UST: variants seen among roughly 807,000 people sequenced by gnomAD.
UST encodes the protein uronyl 2-sulfotransferase.
In UST, 21 loss-of-function variants were observed where a neutral mutation model predicts 45.6. That is an observed-to-expected ratio of 0.46 (90% CI 0.33 to 0.66). The LOEUF is 0.66. UST is among the 30% of genes least tolerant of loss of function. The pLI is 0.02. For missense variants in UST, 463 were observed against 512.4 expected, an observed-to-expected ratio of 0.90 and a Z score of 0.93; for synonymous variants, 215 against 200.6, an observed-to-expected ratio of 1.07 and a Z score of -0.61.
chr6:148,946,117 A>G (rs1051171820), intron 3 of UST, among the ~76,000 whole-genome samples: 2 of 152,158 alleles, frequency 1.3e-5, no homozygotes, highest in East Asian at 3.9e-4. Context: ...AGTGAGACTT[A>G]GGGGGAAAAA....
At chr6:148,958,884 A>G (rs1005955608) in intron 4 of UST, 6 of 152,234 alleles carry the variant, frequency 3.9e-5, no homozygotes, top group African/African-American at 1.4e-4. Flanking sequence ...CAAATGCATT[A>G]TGAGAGACAC....
At chr6:148,757,004 T>C (rs149358851) in intron 1 of UST, among the ~76,000 whole-genome samples, 1 of 152,366 alleles carries the variant, frequency 6.6e-6, no homozygotes, top group Non-Finnish European at 1.5e-5. Flanking sequence ...ACTTATGACA[T>C]ATGAGTACAT....
chr6:148,839,161 G>A (rs1272421154), intron 1 of UST, among the ~76,000 whole-genome samples: 2 of 150,590 alleles, frequency 1.3e-5, no homozygotes, highest in South Asian at 2.1e-4. Flanking sequence ...GCACTCGGCC[G>A]CAGCAGAATA....
At chr6:148,933,923 C>A (rs1405767842) in intron 2 of UST, among the ~76,000 whole-genome samples, 1 of 152,192 alleles carries the variant, frequency 6.6e-6, no homozygotes, top group Non-Finnish European at 1.5e-5. Flanking sequence ...GGAGTTGGAA[C>A]CCATGTCATC....
At chr6:149,022,697 C>CA (rs1160144554) in intron 7 of UST, among the ~76,000 whole-genome samples, 4 of 152,216 alleles carry the variant, frequency 2.6e-5, no homozygotes, top group Non-Finnish European at 5.9e-5. Context: ...ACCCCACCTG[C>CA]ATCACTGGTA....
chr6:148,795,113 A>G (rs1220860398), intron 1 of UST, among the ~76,000 whole-genome samples: 1 of 152,182 alleles, frequency 6.6e-6, no homozygotes. Context: ...CCTTTCTGTA[A>G]TTTTCTGTAA....
intron 1 of UST, among the ~76,000 whole-genome samples, chr6:148,884,150 A>AAAAAAG: frequency 6.6e-6 from 1 of 151,696 alleles, no homozygotes; most frequent in African/African-American, 2.4e-5. Flanking sequence ...AAAAAAAAAA[A>AAAAAAG]TTGCAGACCC....
intron 2 of UST, among the ~76,000 whole-genome samples, chr6:148,930,446 A>AT (rs1779899787): frequency 6.6e-6 from 1 of 152,196 alleles, no homozygotes; most frequent in African/African-American, 2.4e-5. Context: ...CAGTCAACCA[A>AT]TTTCTTATGC....
intron 1 of UST, among the ~76,000 whole-genome samples, chr6:148,808,204 A>G (rs1426985470): frequency 6.6e-6 from 1 of 152,226 alleles, no homozygotes; most frequent in Non-Finnish European, 1.5e-5. Flanking sequence ...TGCTCCAGGC[A>G]GGCCGTGAGG....
intron 5 of UST, among the ~76,000 whole-genome samples, chr6:149,018,280 AC>A (rs1401182476): frequency 9.1e-5 from 2 of 22,068 alleles, no homozygotes; most frequent in Non-Finnish European, 2.1e-4. Context: ...GCTTCTACCG[AC>A]TCATAATTTC....
rs1776068960 is a variant in UST at position 149,027,711 on chromosome 6, C to A, written c.937+6230C>A. ...GCTGCTGATGCTCAAGTGATCAAGA[C>A]AGGGGTCCCAACTCCAACTCTCTGG... On this transcript the variant is annotated intron_variant, in intron 7 of 7. Transcript: ENST00000367463. 2 of 152,364 alleles carry A rather than the reference C, an allele frequency of 1.3e-5. 1 individual carries two copies. The highest frequency in any genetic ancestry group is 1.3e-4 in the Admixed American group (2 of 15,272). The allele number at this position is 152,364 out of a possible 1,614,324, so 9.4% of individuals were successfully genotyped here. A position where few individuals can be genotyped will look rare whatever the true frequency, so the allele number is the denominator to read the frequency against.
chr6:149,004,528 C>T (rs1656741230), intron 5 of UST, among the ~76,000 whole-genome samples: 2 of 152,160 alleles, frequency 1.3e-5, no homozygotes, highest in African/African-American at 4.8e-5. Flanking sequence ...GCCCCAAATC[C>T]AGGAGTAGGT....
At position 148,748,717 on chromosome 6, in the gene UST, A is replaced by G. The variant is rs571258343; in HGVS notation, c.247+1040A>G. On this transcript the variant is annotated intron_variant, in intron 1 of 7. Coordinates refer to ENST00000367463, the MANE Select transcript of UST (RefSeq NM_005715.3). The surrounding 1 kb of genome is among the most constrained non-coding windows in gnomAD (Gnocchi z 5.3). ...CGGGGGTGAAGGCTGGGAGAGCTCC[A>G]GCTTCTTGCAAGCATCCGAAGTGAT... is the stretch of plus-strand genomic sequence containing the variant. Among the ~76,000 whole-genome samples the G allele has an allele frequency of 3.3e-5, 5 of 152,184 alleles. No homozygotes were observed. In the South Asian group the frequency reaches 1.0e-3, roughly 32 times the overall value.
At chr6:148,864,287 G>A (rs6936140) in intron 1 of UST, among the ~76,000 whole-genome samples, 29,619 of 152,168 alleles carry the variant, frequency 0.19, 2,998 homozygotes, top group East Asian at 0.4. Context: ...CTCCATGGGC[G>A]TGGGACCCTC....
At chr6:148,991,917 A>G (rs1023292391) in intron 5 of UST, among the ~76,000 whole-genome samples, 1 of 152,188 alleles carries the variant, frequency 6.6e-6, no homozygotes, top group African/African-American at 2.4e-5. Flanking sequence ...TCTTCACACA[A>G]TATTAAAAAT....
intron 1 of UST, among the ~76,000 whole-genome samples, chr6:148,765,655 G>A (rs7753802): frequency 0.32 from 49,148 of 152,064 alleles, 8,086 homozygotes; most frequent in African/African-American, 0.36. Flanking sequence ...AATCATGAGA[G>A]TATTGATTGG....
At chr6:148,851,518 A>G (rs1273171966) in intron 1 of UST, among the ~76,000 whole-genome samples, 1 of 152,234 alleles carries the variant, frequency 6.6e-6, no homozygotes, top group Non-Finnish European at 1.5e-5. Context: ...ATCTCTATGC[A>G]TATATACATA....
chr6:149,003,409 C>T (rs903080645), intron 5 of UST, among the ~76,000 whole-genome samples: 2 of 150,606 alleles, frequency 1.3e-5, no homozygotes, highest in Non-Finnish European at 3.0e-5. Context: ...AATATTTTAA[C>T]GTCATTTTGA....
chr6:149,054,897 C>CT (rs1211675833), intron 7 of UST, among the ~76,000 whole-genome samples: 1 of 152,188 alleles, frequency 6.6e-6, no homozygotes, highest in Non-Finnish European at 1.5e-5. Flanking sequence ...TCACAGCTCA[C>CT]TGCAGCCTAG....
Sources: gnomAD v4.1 joint callset for allele counts (sites outside exome capture counted in the v4.1 genomes callset) on GRCh38, gnomAD v4.1.1 for gene constraint, Gnocchi (gnomAD v3.1) non-coding constraint, MANE v1.5 for transcripts, NCBI Gene and HGNC (gene_info 2026-07-23, HGNC 2026-07-21) for gene names.